PLAC1: variants seen among roughly 807,000 people sequenced by gnomAD.
PLAC1 encodes placenta associated 1.
For synonymous variants in PLAC1, 68 were observed against 62.1 expected, an observed-to-expected ratio of 1.09 and a Z score of -0.44; for missense variants, 136 against 163.2, an observed-to-expected ratio of 0.83 and a Z score of 0.91.
intron 2 of PLAC1, among the ~76,000 whole-genome samples, chrX:134,569,819 G>GTTA (rs201326303): frequency 0.036 from 3,587 of 99,228 alleles, 204 homozygotes; most frequent in African/African-American, 0.13. Context: ...TTGGGGGACG[G>GTTA]TTATTATTAT....
At chrX:134,672,492 T>G (rs1175765139) in intron 2 of PLAC1, among the ~76,000 whole-genome samples, 1 of 112,156 alleles carries the variant, frequency 8.9e-6, no homozygotes, top group Non-Finnish European at 1.9e-5. Flanking sequence ...CTGTGGTAGC[T>G]GTACTAAAAT....
At chrX:134,631,860 C>T (rs772323202) in intron 1 of PLAC1, among the ~76,000 whole-genome samples, 1 of 111,876 alleles carries the variant, frequency 8.9e-6, no homozygotes, top group Non-Finnish European at 1.9e-5. Context: ...TTTACATTAC[C>T]CAGACTAATG....
chrX:134,619,050 C>T (rs1240335668), intron 1 of PLAC1, among the ~76,000 whole-genome samples: 1 of 112,246 alleles, frequency 8.9e-6, no homozygotes, highest in Non-Finnish European at 1.9e-5. Context: ...CCTTCAGAGG[C>T]AGCAGAAGGA....
chrX:134,654,888 C>T (rs2078382027), intron 1 of PLAC1, among the ~76,000 whole-genome samples: 1 of 112,304 alleles, frequency 8.9e-6, no homozygotes, highest in Non-Finnish European at 1.9e-5. Context: ...GTCACCACTC[C>T]CTAGTGGGTC....
chrX:134,692,317 G>A (rs1490825775), intron 2 of PLAC1, among the ~76,000 whole-genome samples: 3 of 111,742 alleles, frequency 2.7e-5, no homozygotes, highest in Non-Finnish European at 5.6e-5. Context: ...GAATAGCTGT[G>A]ATTAAAGATA....
At chrX:134,723,087 T>C (rs1195406883) in intron 2 of PLAC1, among the ~76,000 whole-genome samples, 4 of 111,477 alleles carry the variant, frequency 3.6e-5, no homozygotes, top group Non-Finnish European at 7.5e-5. Flanking sequence ...AAGAGATATA[T>C]TTAAATAAAA....
chrX:134,740,055 T>C (rs1383104455), intron 1 of PLAC1, among the ~76,000 whole-genome samples: 1 of 112,063 alleles, frequency 8.9e-6, no homozygotes, highest in Non-Finnish European at 1.9e-5. Flanking sequence ...TGGTGGCTCA[T>C]GCCTGTAATC....
chrX:134,624,321 T>C (rs1038528119), intron 1 of PLAC1, among the ~76,000 whole-genome samples: 3 of 112,070 alleles, frequency 2.7e-5, no homozygotes, highest in African/African-American at 9.7e-5. Flanking sequence ...TCAAGGTCCA[T>C]GGCTAAACGG....
At position 134,617,977 on chromosome X, in the gene PLAC1, G is replaced by C. The variant is rs191136433; in HGVS notation, c.-130-15855C>G. ...GCTTACCTCATATGGCTGTTTTGAG[G>C]ATAAAATGAGAACAGGGATGGGAAG... On this transcript the variant is annotated intron_variant, in intron 1 of 2. Coordinates refer to ENST00000359237, the MANE Select transcript of PLAC1 (RefSeq NM_021796.4). Among the ~76,000 whole-genome samples, 11 of 111,999 alleles carry C rather than the reference G, an allele frequency of 9.8e-5. No homozygotes were observed. The East Asian group carries it at 2.8e-3, about 29-fold the overall frequency.
intron 2 of PLAC1, among the ~76,000 whole-genome samples, chrX:134,715,333 C>G (rs2078640282): frequency 9.0e-6 from 1 of 111,261 alleles, no homozygotes; most frequent in South Asian, 3.8e-4. Flanking sequence ...CTACTTGCTT[C>G]TGATTTGGGG....
chrX:134,657,964 C>G (rs748127381), intron 1 of PLAC1, among the ~76,000 whole-genome samples: 1 of 111,912 alleles, frequency 8.9e-6, no homozygotes, highest in South Asian at 3.8e-4. Context: ...AAAAAATACC[C>G]TGTGCAGTTG....
intron 1 of PLAC1, among the ~76,000 whole-genome samples, chrX:134,607,813 A>ACT (rs2078130746): frequency 9.0e-6 from 1 of 110,922 alleles, no homozygotes; most frequent in Non-Finnish European, 1.9e-5. Flanking sequence ...AGCCTCCGGG[A>ACT]GGTGAGAGCC....
At chrX:134,754,509 A>G (rs773483106) in intron 1 of PLAC1, among the ~76,000 whole-genome samples, 58 of 111,569 alleles carry the variant, frequency 5.2e-4, no homozygotes, top group African/African-American at 1.9e-3. Flanking sequence ...TCTAGGGGGA[A>G]GCCTATTTTT....
chrX:134,582,150 G>A (rs749541776), intron 2 of PLAC1, among the ~76,000 whole-genome samples: 52 of 112,298 alleles, frequency 4.6e-4, no homozygotes, highest in Non-Finnish European at 8.6e-4. Context: ...TTGGAAAATG[G>A]AAAAAGAAAC....
At chrX:134,603,556 G>A (rs1602827409) in intron 1 of PLAC1, among the ~76,000 whole-genome samples, 2 of 104,400 alleles carry the variant, frequency 1.9e-5, no homozygotes, top group Admixed American at 1.1e-4. Flanking sequence ...GGATGGTCTC[G>A]ATCCCCTGAC....
chrX:134,754,882 C>T (rs758139493), intron 1 of PLAC1, among the ~76,000 whole-genome samples: 8 of 102,528 alleles, frequency 7.8e-5, no homozygotes, highest in Admixed American at 1.1e-4. Context: ...TGCAATGAAA[C>T]GGTAGGAAGC....
intron 1 of PLAC1, among the ~76,000 whole-genome samples, chrX:134,761,187 A>AG (rs2078768975): frequency 9.6e-6 from 1 of 104,587 alleles, no homozygotes; most frequent in African/African-American, 4.0e-5. Context: ...AATTTCAGGA[A>AG]AAAAAAAATA....
Position 134,723,308 on chromosome X carries a change from C to CTT in PLAC1, n.174+10125_174+10126dup, listed in dbSNP as rs150713448. Among the ~76,000 whole-genome samples, 376 of 96,345 alleles carry CTT rather than the reference C, an allele frequency of 3.9e-3. 3 individuals carry two copies. Among genetic ancestry groups the CTT allele is most frequent in the African/African-American group, 0.014 (364 of 26,545 alleles). 83.7% of individuals were successfully genotyped at this position (96,345 alleles called of 115,157 possible). A position where few individuals can be genotyped will look rare whatever the true frequency, so the allele number is the denominator to read the frequency against. On this transcript the variant is annotated intron_variant and non_coding_transcript_variant, in intron 2 of 2. Transcript: ENST00000466797. ...ACCTTTTAGGTATAAAATTGTATTACTTTTTTTTTTTTTTTTTGAGACAAG... is the reference window on the plus strand; with the variant it reads ...ACCTTTTAGGTATAAAATTGTATTACTTTTTTTTTTTTTTTTTTTGAGACAAG...
intron 1 of PLAC1, among the ~76,000 whole-genome samples, chrX:134,758,558 C>A (rs2078762451): frequency 8.9e-6 from 1 of 111,975 alleles, no homozygotes. Flanking sequence ...AGGACACTTT[C>A]TTCAACAAAT....
Sources: gnomAD v4.1 joint callset for allele counts (sites outside exome capture counted in the v4.1 genomes callset) on GRCh38, gnomAD v4.1.1 for gene constraint, MANE v1.5 for transcripts, NCBI Gene and HGNC (gene_info 2026-07-23, HGNC 2026-07-21) for gene names.